MRAP2: variants seen among roughly 807,000 people sequenced by gnomAD.
MRAP2 encodes melanocortin-2 receptor accessory protein 2.
Under a neutral mutation model 17.4 loss-of-function variants are expected in MRAP2, and 20 were observed. The ratio of observed to expected loss-of-function variants is 1.15; its 90% CI spans 0.81 to 1.67. MRAP2 has a LOEUF of 1.67. Ranked by LOEUF, MRAP2 falls within the 40% of genes most tolerant of loss-of-function variation. The pLI is 0.00. For missense variants in MRAP2, 238 were observed against 240.0 expected, an observed-to-expected ratio of 0.99 and a Z score of 0.05; for synonymous variants, 96 against 88.4, an observed-to-expected ratio of 1.09 and a Z score of -0.48.
intron 1 of MRAP2, among the ~76,000 whole-genome samples, chr6:84,042,760 G>A (rs371442126): frequency 4.6e-5 from 7 of 152,202 alleles, no homozygotes; most frequent in African/African-American, 1.7e-4. Flanking sequence ...GGGTGCAGTA[G>A]GTGGAGAAAC....
chr6:84,083,780 G>T (rs567027496), intron 3 of MRAP2, among the ~76,000 whole-genome samples: 1 of 152,146 alleles, frequency 6.6e-6, no homozygotes, highest in South Asian at 2.1e-4. Flanking sequence ...TTATTAATCA[G>T]ATCTCTTTAA....
At chr6:84,045,797 G>A (rs1342107878) in intron 1 of MRAP2, among the ~76,000 whole-genome samples, 2 of 151,912 alleles carry the variant, frequency 1.3e-5, no homozygotes, top group Admixed American at 6.6e-5. Context: ...CACACACAAT[G>A]TGTATGTTCA....
At chr6:84,062,531 A>G in intron 2 of MRAP2, 1 of 984,820 alleles carries the variant, frequency 1.0e-6, no homozygotes, top group Non-Finnish European at 1.2e-6. Context: ...ATCCAAATGC[A>G]CTTAAAACTT....
the MRAP2 span, chr6:84,125,191 C>T: frequency 1.9e-4 from 309 of 1,613,642 alleles, 6 homozygotes; most frequent in South Asian, 2.6e-3. Flanking sequence ...CTCCAGCTCA[C>T]GATTCTTTAA....
At chr6:84,109,130 G>A in the MRAP2 span, among the ~76,000 whole-genome samples, 1 of 152,078 alleles carries the variant, frequency 6.6e-6, no homozygotes, top group Non-Finnish European at 1.5e-5. Context: ...TGTTCTTTTT[G>A]CTTAGGATTG....
At chr6:84,088,996 G>C (rs1284102102) in intron 3 of MRAP2, 95 bp from the exon 4 acceptor site, 4 of 1,391,622 alleles carry the variant, frequency 2.9e-6, no homozygotes, top group Admixed American at 4.6e-5. Context: ...GTGCTTAGTG[G>C]AAATGTGCTG....
intron 1 of MRAP2, among the ~76,000 whole-genome samples, chr6:84,047,634 A>G (rs1246854222): frequency 1.3e-5 from 2 of 152,318 alleles, no homozygotes; most frequent in Non-Finnish European, 2.9e-5. Context: ...ACAACTATCC[A>G]TTTCCAGAAC....
intron 3 of MRAP2, among the ~76,000 whole-genome samples, chr6:84,074,138 C>T (rs2099496991): frequency 6.6e-6 from 1 of 152,102 alleles, no homozygotes; most frequent in South Asian, 2.1e-4. Context: ...AAAAGGAACC[C>T]ATTCCCCATG....
the MRAP2 span, among the ~76,000 whole-genome samples, chr6:84,115,512 C>A: frequency 6.6e-6 from 1 of 152,156 alleles, no homozygotes; most frequent in Admixed American, 6.5e-5. Context: ...CTGCTGGGCT[C>A]CATGGGGGTG....
At chr6:84,035,409 T>C (rs566770288) in intron 1 of MRAP2, 664 of 984,822 alleles carry the variant, frequency 6.7e-4, no homozygotes, top group Non-Finnish European at 7.4e-4. Flanking sequence ...TCCCTTCCCT[T>C]TTCTAGCAAT....
At chr6:84,044,506 A>C (rs1393101251) in intron 1 of MRAP2, among the ~76,000 whole-genome samples, 1 of 152,206 alleles carries the variant, frequency 6.6e-6, no homozygotes, top group African/African-American at 2.4e-5. Flanking sequence ...GGTGCTGGTC[A>C]CATGTAGGTT....
intron 3 of MRAP2, among the ~76,000 whole-genome samples, chr6:84,066,972 G>A (rs2099494892): frequency 6.6e-6 from 1 of 152,022 alleles, no homozygotes; most frequent in Admixed American, 6.6e-5. Context: ...GTGAAATATT[G>A]GTGCACCCAT....
chr6:84,040,912 G>T (rs1169172960), intron 1 of MRAP2, among the ~76,000 whole-genome samples: 3 of 152,228 alleles, frequency 2.0e-5, no homozygotes, highest in Admixed American at 6.5e-5. Flanking sequence ...GCCAGCTGCA[G>T]AAATTTGCAT....
At chr6:84,121,077 ATTT>A in the MRAP2 span, among the ~76,000 whole-genome samples, 3 of 141,876 alleles carry the variant, frequency 2.1e-5, no homozygotes, top group Admixed American at 7.1e-5. Flanking sequence ...TTATTTTTTA[ATTT>A]TTTTTTTTTT....
chr6:84,089,250 C>G lies in MRAP2; in HGVS notation c.387C>G (p.Ala129=). ...ATGAGGTGGAACGCTTGGACAGAGC[C>G]AAAGCTTGTCACCAGACCACAGCCC... ...YINEVERLDR[A]KACHQTTALD... Residue 129 remains alanine (A), a synonymous_variant, in exon 4 of 4, where the codon GCC becomes GCG. Coordinates refer to ENST00000257776, the MANE Select transcript of MRAP2 (RefSeq NM_138409.4). 1 of 1,614,124 alleles carries G rather than the reference C, an allele frequency of 6.2e-7. No homozygotes were observed. The highest frequency in any genetic ancestry group is 8.5e-7 in the Non-Finnish European group (1 of 1,180,026).
the MRAP2 span, chr6:84,125,352 G>C: frequency 7.9e-7 from 1 of 1,266,986 alleles, no homozygotes; most frequent in South Asian, 1.2e-5. Flanking sequence ...TCTTAAAGTA[G>C]GCAAACCTGG....
the MRAP2 span, chr6:84,126,382 T>G: frequency 6.3e-7 from 1 of 1,586,388 alleles, no homozygotes; most frequent in Non-Finnish European, 8.6e-7. Context: ...CTTTACCTGT[T>G]GAAGTTCCTG....
intron 1 of MRAP2, among the ~76,000 whole-genome samples, chr6:84,047,912 A>G (rs1468757310): frequency 2.0e-5 from 3 of 152,242 alleles, no homozygotes; most frequent in African/African-American, 7.2e-5. Flanking sequence ...CATTTAGCAT[A>G]ATGTTTTCAA....
intron 3 of MRAP2, among the ~76,000 whole-genome samples, chr6:84,073,888 GTT>G (rs71549596): frequency 6.5e-5 from 9 of 137,860 alleles, no homozygotes; most frequent in African/African-American, 2.2e-4. Flanking sequence ...GTGTGTGTGT[GTT>G]TTTTTTTTTT....
Sources: allele counts gnomAD v4.1 joint callset (sites outside exome capture counted in the v4.1 genomes callset), GRCh38; gene constraint gnomAD v4.1.1; transcripts MANE v1.5; gene names NCBI Gene and HGNC (gene_info 2026-07-23, HGNC 2026-07-21).